Variants in ATP2A2 observed in about 807,000 individuals in gnomAD.
ATP2A2 encodes ATPase sarcoplasmic/endoplasmic reticulum Ca2+ transporting 2.
In ATP2A2, 14 loss-of-function variants were observed where a neutral mutation model predicts 109.3. The observed-to-expected ratio is 0.13, with a 90% CI of 0.08 to 0.20. The LOEUF is 0.20. Ranked by LOEUF, ATP2A2 falls within the 10% of genes least tolerant of loss-of-function variation. ATP2A2 has a pLI of 1.00. For synonymous variants in ATP2A2, 506 were observed against 490.9 expected (o/e 1.03, Z -0.41); for missense variants, 657 against 1,321.6 (o/e 0.50, Z 7.80).
chr12:110,281,876 C>T lies in ATP2A2; in HGVS notation c.87C>T (p.Val29=), dbSNP rs778208348. 2.4e-5 allele frequency: 38 copies of T among 1,580,884 alleles called. No individual in the cohort carries two copies. The highest frequency in any genetic ancestry group is 3.1e-5 in the Non-Finnish European group (36 of 1,165,572). ...GTACGGGGCTGAGCCTGGAACAGGT[C>T]AAGAAGCTTAAGGAGAGATGGGGCT... ...NESTGLSLEQ[V]KKLKERWGSN... Residue 29 remains valine (V), a synonymous_variant, in exon 1 of 20, where the codon GTC becomes GTT. Coordinates refer to ENST00000539276, the MANE Select transcript of ATP2A2 (RefSeq NM_170665.4).
At chr12:110,300,643 CTTTTTTT>C (rs537191134) in intron 5 of ATP2A2, among the ~76,000 whole-genome samples, 1 of 131,238 alleles carries the variant, frequency 7.6e-6, no homozygotes, top group African/African-American at 2.8e-5. Context: ...CATGCCCGGC[CTTTTTTT>C]TTTTTTTTTT....
chr12:110,346,445 A>G lies in ATP2A2; in HGVS notation c.3104A>G (p.Asn1035Ser). ...LVIWVYSTDT[N>S]FSDMFWS ...ATCTGGGTCTATAGCACAGACACTA[A>G]CTTTAGCGATATGTTCTGGTCTTGA... is the stretch of plus-strand genomic sequence containing the variant. The change falls in exon 20 of 20, where the codon AAC becomes AGC. Residue 1035 changes from asparagine to serine, a missense_variant. Physicochemically the swap from Asn to Ser is conservative, Grantham distance 46. Around this residue, in one of 9 missense-constraint regions of ATP2A2, gnomAD observed 53 missense variants for 61.2 expected, o/e 0.87. Transcript: ENST00000539276. The G allele has an allele frequency of 6.2e-7, 1 of 1,614,222 alleles. No homozygotes were observed. Among genetic ancestry groups the G allele is most frequent in the Non-Finnish European group, 8.5e-7 (1 of 1,180,046 alleles).
intron 5 of ATP2A2, among the ~76,000 whole-genome samples, chr12:110,310,143 TTC>T (rs1432869866): frequency 6.6e-6 from 1 of 152,036 alleles, no homozygotes; most frequent in African/African-American, 2.4e-5. Flanking sequence ...TTTTCTTTTT[TTC>T]TTTTTCCTTT....
intron 3 of ATP2A2, among the ~76,000 whole-genome samples, chr12:110,288,438 C>G (rs144234299): frequency 9.1e-4 from 137 of 149,914 alleles, no homozygotes; most frequent in African/African-American, 3.2e-3. Flanking sequence ...GAGTTTTGCT[C>G]TTGTCAGCCA....
chr12:110,345,987 TC>T lies in ATP2A2; in HGVS notation c.2742-12del, dbSNP rs772700800. 18 of 1,613,850 alleles carry T rather than the reference TC, an allele frequency of 1.1e-5. No individual in the cohort carries two copies. In the South Asian group the frequency reaches 1.8e-4, roughly 16 times the overall value. ...CCTTGGGGGTGCGTTTCCCCACCTC[TC>T]CTTGCTCTGCAGCTTGTCCGAAAAC... is the stretch of plus-strand genomic sequence containing the variant. On this transcript the variant is annotated splice_polypyrimidine_tract_variant and intron_variant, in intron 18 of 19. Coordinates refer to ENST00000539276, the MANE Select transcript of ATP2A2 (RefSeq NM_170665.4).
At position 110,281,881 on chromosome 12, in the gene ATP2A2, A is replaced by G. The variant is rs1193423926; in HGVS notation, c.92A>G (p.Lys31Arg). 1.9e-6 allele frequency: 3 copies of G among 1,580,424 alleles called. No individual in the cohort carries two copies. Among genetic ancestry groups the G allele is most frequent in the Non-Finnish European group, 2.6e-6 (3 of 1,165,316 alleles). Residue 31 changes from lysine (K) to arginine (R), a missense_variant, in exon 1 of 20, where the codon AAG becomes AGG. Physicochemically the swap from Lys to Arg is conservative, Grantham distance 26. This residue lies in a region of ATP2A2 where 64 missense variants were observed against 65.4 expected (regional missense o/e 0.98). Transcript: ENST00000539276. ...STGLSLEQVK[K>R]LKERWGSNEL... is the part of the protein sequence containing the mutation. ...GGGCTGAGCCTGGAACAGGTCAAGAAGCTTAAGGAGAGATGGGGCTCCAAC... is the reference window on the plus strand; with the variant it reads ...GGGCTGAGCCTGGAACAGGTCAAGAGGCTTAAGGAGAGATGGGGCTCCAAC...
At chr12:110,331,102 G>A (rs1878289933) in intron 8 of ATP2A2, 1 of 151,888 alleles carries the variant, frequency 6.6e-6, no homozygotes, top group Non-Finnish European at 1.5e-5. Context: ...AAATTAGCTG[G>A]GCATGTTGGC....
chr12:110,345,785 G>C, intron 18 of ATP2A2: 2 of 640,908 alleles, frequency 3.1e-6, no homozygotes, highest in Non-Finnish European at 2.8e-6. Flanking sequence ...CACTAAGATG[G>C]GGTCTGCTAT....
chr12:110,326,155 T>C (rs1877781592), intron 6 of ATP2A2: 5 of 551,342 alleles, frequency 9.1e-6, no homozygotes, highest in Non-Finnish European at 1.6e-5. Context: ...ACTTGAAAAT[T>C]CACTTTTTTA....
rs1369042640 is a variant in ATP2A2, at chr12:110,349,212, A to C, written c.*2742A>C. The C allele has an allele frequency of 1.0e-6, 1 of 985,436 alleles. No individual in the cohort carries two copies. The highest frequency in any genetic ancestry group is 1.7e-5 in the African/African-American group (1 of 57,242). 61.0% of individuals were successfully genotyped at this position (985,436 alleles called of 1,614,324 possible). On this transcript the variant is annotated 3_prime_UTR_variant, in exon 20 of 20. Coordinates refer to ENST00000539276, the MANE Select transcript of ATP2A2 (RefSeq NM_170665.4). ...CACTTCAGCATCTCCTCCTCAGGTC[A>C]ACCCATAAAGACCAGGTCCAGCACC...
chr12:110,324,895 C>T (rs954432192), intron 6 of ATP2A2, among the ~76,000 whole-genome samples: 2 of 150,918 alleles, frequency 1.3e-5, no homozygotes, highest in African/African-American at 4.9e-5. Flanking sequence ...CAGCTCAGTG[C>T]AGCCTCTGCT....
At chr12:110,296,564 A>G in intron 4 of ATP2A2, 35 bp from the exon 5 acceptor site, 1 of 1,613,686 alleles carries the variant, frequency 6.2e-7, no homozygotes. Flanking sequence ...AGTGTCAGGC[A>G]GGTCTTTACT....
chr12:110,293,999 C>A (rs1027149444), intron 4 of ATP2A2, among the ~76,000 whole-genome samples: 1 of 150,532 alleles, frequency 6.6e-6, no homozygotes, highest in East Asian at 2.0e-4. Flanking sequence ...GCCTCAGCTT[C>A]CCGAGTAGCT....
chr12:110,336,459 G>T (rs1878855044), intron 11 of ATP2A2, among the ~76,000 whole-genome samples: 1 of 152,168 alleles, frequency 6.6e-6, no homozygotes, highest in South Asian at 2.1e-4. Flanking sequence ...TGTGTCATTG[G>T]GGGGTAGTAC....
At chr12:110,282,667 C>G (rs1272230049) in intron 2 of ATP2A2, 46 bp downstream of exon 2, 3 of 1,613,220 alleles carry the variant, frequency 1.9e-6, no homozygotes, top group Admixed American at 1.7e-5. Flanking sequence ...TGTTGGTGTG[C>G]TGATGGTAAG....
intron 5 of ATP2A2, among the ~76,000 whole-genome samples, chr12:110,305,872 T>G (rs60547733): frequency 0.028 from 3,986 of 143,544 alleles, 194 homozygotes; most frequent in African/African-American, 0.094. Flanking sequence ...GGGATGTCTG[T>G]TTTTTTTTTG....
chr12:110,282,443 A>G (rs1872229986), intron 1 of ATP2A2, among the ~76,000 whole-genome samples, 161 bp from the exon 2 acceptor site: 1 of 152,176 alleles, frequency 6.6e-6, no homozygotes, highest in Non-Finnish European at 1.5e-5. Context: ...CCCTCTGCTA[A>G]AAAAATCGGA....
At chr12:110,293,826 A>ATATG (rs1482730636) in intron 4 of ATP2A2, among the ~76,000 whole-genome samples, 6 of 108,590 alleles carry the variant, frequency 5.5e-5, no homozygotes, top group Middle Eastern at 4.7e-3. Context: ...TGCCATATAT[A>ATATG]TGTGTGTGTG....
intron 14 of ATP2A2, among the ~76,000 whole-genome samples, chr12:110,341,799 GGAGGCGT>G (rs1879382771): frequency 6.6e-6 from 1 of 152,190 alleles, no homozygotes; most frequent in Non-Finnish European, 1.5e-5. Flanking sequence ...CTTGAACCCA[GGAGGCGT>G]GCAGTGAGCC....
Sources: allele counts gnomAD v4.1 joint callset (sites outside exome capture counted in the v4.1 genomes callset), GRCh38; gene constraint gnomAD v4.1.1; regional missense constraint gnomAD v4.1.1; transcripts MANE v1.5; gene names NCBI Gene and HGNC (gene_info 2026-07-23, HGNC 2026-07-21).